The following CDK7 variants were observed in gnomAD, a reference collection of about 807,000 sequenced individuals.
CDK7 encodes the protein cyclin-dependent kinase 7.
CDK7 carries 25 observed loss-of-function variants against 49.1 expected under a neutral mutation model. The observed-to-expected ratio is 0.51, with a 90% CI of 0.37 to 0.71. The LOEUF (loss-of-function observed/expected upper bound fraction) is 0.71. Ranked by LOEUF, CDK7 falls within the 30% of genes least tolerant of loss-of-function variation. CDK7 has a pLI of 0.00. For synonymous variants in CDK7, 107 were observed against 140.0 expected, an observed-to-expected ratio of 0.76 and a Z score of 1.67; for missense variants, 316 against 411.7, an observed-to-expected ratio of 0.77 and a Z score of 2.01.
rs867116521 is a variant in CDK7 at position 69,235,000 on chromosome 5, G to A, written c.25G>A (p.Ala9Thr). MALDVKSR[A>T]KRYEKLDFLG... Reference sequence around the variant, plus strand: ...GATGGCTCTGGACGTGAAGTCTCGGGCAAAGCGTTATGAGAAGCTGGACTT... The same window carrying A: ...GATGGCTCTGGACGTGAAGTCTCGGACAAAGCGTTATGAGAAGCTGGACTT... The change falls in exon 1 of 12, where the codon GCA becomes ACA. Residue 9 changes from alanine to threonine, a missense_variant. Coordinates refer to ENST00000256443, the MANE Select transcript of CDK7 (RefSeq NM_001799.4). 6.2e-7 allele frequency: 1 copy of A among 1,602,132 alleles called. No individual in the cohort carries two copies. Among genetic ancestry groups the A allele is most frequent in the South Asian group, 1.1e-5 (1 of 88,684 alleles).
intron 2 of CDK7, among the ~76,000 whole-genome samples, chr5:69,236,312 C>G (rs758140186): frequency 5.9e-5 from 9 of 151,514 alleles, no homozygotes; most frequent in Non-Finnish European, 1.5e-5. Flanking sequence ...TTTTAACCTT[C>G]AAAACAATCT....
At chr5:69,266,336 C>T (rs1580331177) in intron 8 of CDK7, among the ~76,000 whole-genome samples, 2 of 152,212 alleles carry the variant, frequency 1.3e-5, no homozygotes, top group Admixed American at 1.3e-4. Context: ...TGCCTGTAAT[C>T]CCAGCACTTT....
chr5:69,240,016 T>C (rs1251166605), intron 2 of CDK7, among the ~76,000 whole-genome samples: 1 of 152,024 alleles, frequency 6.6e-6, no homozygotes, highest in African/African-American at 2.4e-5. Flanking sequence ...CTGGCTAAGA[T>C]TGAGTATTTT....
chr5:69,245,644 A>C (rs1333553984), intron 2 of CDK7, among the ~76,000 whole-genome samples: 2 of 152,036 alleles, frequency 1.3e-5, no homozygotes, highest in Non-Finnish European at 2.9e-5. Context: ...CCCTTCTTCA[A>C]ATGTTTGGTA....
chr5:69,252,195 C>T (rs890848305), intron 2 of CDK7, among the ~76,000 whole-genome samples: 3 of 152,044 alleles, frequency 2.0e-5, no homozygotes, highest in African/African-American at 4.8e-5. Context: ...ATGTGTAGTT[C>T]AGAAACTTAA....
At position 69,259,807 on chromosome 5, in the gene CDK7, C is replaced by T. The variant is rs765230381; in HGVS notation, c.409-11C>T. On this transcript the variant is annotated splice_polypyrimidine_tract_variant and intron_variant, in intron 6 of 11. Transcript: ENST00000256443. ...CTGCTTATTTGTTTGTTTAAAACTTCCGTCATATAGGATCTGAAACCAAAC... is the reference window on the plus strand; with the variant it reads ...CTGCTTATTTGTTTGTTTAAAACTTTCGTCATATAGGATCTGAAACCAAAC... 1 of 1,578,330 alleles carries T rather than the reference C, an allele frequency of 6.3e-7. No homozygotes were observed. Among genetic ancestry groups the T allele is most frequent in the Non-Finnish European group, 8.7e-7 (1 of 1,147,686 alleles).
At chr5:69,268,268 T>C (rs957153538) in intron 8 of CDK7, among the ~76,000 whole-genome samples, 1 of 152,172 alleles carries the variant, frequency 6.6e-6, no homozygotes, top group African/African-American at 2.4e-5. Context: ...GAATTGTAAA[T>C]GCTTGTTTAT....
At chr5:69,267,188 A>G (rs1397039647) in intron 8 of CDK7, among the ~76,000 whole-genome samples, 2 of 151,486 alleles carry the variant, frequency 1.3e-5, no homozygotes, top group African/African-American at 4.8e-5. Flanking sequence ...GTTTCAACAT[A>G]TGATTCATTT....
intron 2 of CDK7, among the ~76,000 whole-genome samples, chr5:69,245,487 T>C (rs1749693007): frequency 6.6e-6 from 1 of 151,778 alleles, no homozygotes; most frequent in Non-Finnish European, 1.5e-5. Context: ...ATTACAGGCA[T>C]GCACCACCAC....
At chr5:69,267,338 G>A (rs1253351657) in intron 8 of CDK7, among the ~76,000 whole-genome samples, 4 of 122,766 alleles carry the variant, frequency 3.3e-5, no homozygotes, top group South Asian at 5.0e-4. Flanking sequence ...AGTCTTTGTC[G>A]CCCAGGCTGG....
At chr5:69,267,614 A>C (rs1212710246) in intron 8 of CDK7, among the ~76,000 whole-genome samples, 1 of 152,090 alleles carries the variant, frequency 6.6e-6, no homozygotes, top group Admixed American at 6.6e-5. Context: ...AGGATTCTTT[A>C]ATCATAACCA....
intron 9 of CDK7, among the ~76,000 whole-genome samples, chr5:69,272,260 C>T (rs1405894682): frequency 1.3e-5 from 2 of 152,116 alleles, no homozygotes; most frequent in African/African-American, 4.8e-5. Flanking sequence ...TCTCTCTCTG[C>T]CAATACAACA....
At chr5:69,261,115 G>T (rs927807377) in intron 7 of CDK7, among the ~76,000 whole-genome samples, 2 of 152,124 alleles carry the variant, frequency 1.3e-5, no homozygotes, top group African/African-American at 4.8e-5. Context: ...ATTGTGCCTG[G>T]CCCCAAAGTC....
At chr5:69,274,355 G>T (rs1385310654) in intron 10 of CDK7, among the ~76,000 whole-genome samples, 1 of 152,122 alleles carries the variant, frequency 6.6e-6, no homozygotes, top group African/African-American at 2.4e-5. Flanking sequence ...GCAGCTGTAG[G>T]CCGGTGCATC....
intron 2 of CDK7, among the ~76,000 whole-genome samples, chr5:69,246,561 T>C (rs1372478372): frequency 6.6e-6 from 1 of 152,204 alleles, no homozygotes; most frequent in Non-Finnish European, 1.5e-5. Context: ...CAACTTGTTA[T>C]TTTGTTGATC....
chr5:69,245,285 T>G (rs1381367289), intron 2 of CDK7, among the ~76,000 whole-genome samples: 1 of 121,728 alleles, frequency 8.2e-6, no homozygotes, highest in Non-Finnish European at 1.7e-5. Flanking sequence ...CTCCCTCCTT[T>G]TCCCCTCCCT....
chr5:69,245,581 T>G (rs1025740990), intron 2 of CDK7, among the ~76,000 whole-genome samples: 1 of 152,082 alleles, frequency 6.6e-6, no homozygotes, highest in Non-Finnish European at 1.5e-5. Flanking sequence ...CCTCAAGTGA[T>G]CGGCCTGCCT....
At chr5:69,255,384 T>C in intron 4 of CDK7, 76 bp from the exon 5 acceptor site, 1 of 779,510 alleles carries the variant, frequency 1.3e-6, no homozygotes, top group Non-Finnish European at 2.1e-6. Flanking sequence ...TTTTAAATTT[T>C]TAAAAATTGC....
chr5:69,277,209 TAAGTA>T lies in CDK7; in HGVS notation c.*77_*81del. ...CAAATAATGGAAAAATAGTAAACAT[TAAGTA>T]AATGCTGTAGAAGTGAGTTTGTAAA... On this transcript the variant is annotated 3_prime_UTR_variant, in exon 12 of 12. Transcript: ENST00000256443. 2.8e-6 allele frequency: 3 copies of T among 1,079,286 alleles called. No individual in the cohort carries two copies. Among genetic ancestry groups the T allele is most frequent in the Non-Finnish European group, 4.1e-6 (3 of 730,242 alleles). The allele number at this position is 1,079,286 out of a possible 1,614,324, so 66.9% of individuals were successfully genotyped here. A position where few individuals can be genotyped will look rare whatever the true frequency, so the allele number is the denominator to read the frequency against.
Sources: allele counts gnomAD v4.1 joint callset (sites outside exome capture counted in the v4.1 genomes callset), GRCh38; gene constraint gnomAD v4.1.1; transcripts MANE v1.5; gene names NCBI Gene and HGNC (gene_info 2026-07-23, HGNC 2026-07-21).